UGT1A4: variants seen among roughly 807,000 people sequenced by gnomAD.
The protein encoded by UGT1A4 is UDP glucuronosyltransferase family 1 member A4, also known as UDP-glucuronosyltransferase 1A4.
Under a neutral mutation model 41.1 loss-of-function variants are expected in UGT1A4, and 32 were observed. That is an observed-to-expected ratio of 0.78 (90% CI 0.59 to 1.05). UGT1A4 has a LOEUF of 1.05. Among genes scored for constraint, UGT1A4 ranks in the 50% least tolerant of loss-of-function variants. The pLI, the probability that UGT1A4 is intolerant of heterozygous loss-of-function variation, is 0.00. For missense variants in UGT1A4, 748 were observed against 677.4 expected, an observed-to-expected ratio of 1.10 and a Z score of -1.16; for synonymous variants, 283 against 265.1, an observed-to-expected ratio of 1.07 and a Z score of -0.66.
chr2:233,759,342 C>A (rs1337999825), intron 1 of UGT1A4, among the ~76,000 whole-genome samples: 1 of 152,112 alleles, frequency 6.6e-6, no homozygotes, highest in Non-Finnish European at 1.5e-5. Flanking sequence ...TTCAGGTGAG[C>A]GCTGAAAATC....
In UGT1A4 at chr2:233,755,161, CG is replaced by C. The variant is rs146856809; in HGVS notation, c.868-11869del. The stretch of plus-strand genomic sequence containing the variant: ...CTTCTCACCGCTTCCTCCCTGTCCT[CG>C]GGGTTTTTGTCGGGGTGCCACTTGA... On this transcript the variant is annotated intron_variant, in intron 1 of 4. Transcript: ENST00000373409. 2.3e-3 allele frequency: 2,947 copies of C among 1,292,234 alleles called. 56 individuals carry two copies. The African/African-American group carries it at 0.041, about 18-fold the overall frequency. The allele number at this position is 1,292,234 out of a possible 1,614,324, so 80.0% of individuals were successfully genotyped here.
At position 233,725,191 on chromosome 2, in the gene UGT1A4, C is replaced by G. The variant is rs191532024; in HGVS notation, c.867+5504C>G. ...GGGAGACCGTGGGGAGAGGCAGAGG[C>G]AGAGGCAGAGGCAGAGGCAGAGGCA... On this transcript the variant is annotated intron_variant, in intron 1 of 4. Coordinates refer to ENST00000373409, the MANE Select transcript of UGT1A4 (RefSeq NM_007120.3). 5.0e-3 allele frequency among the ~76,000 whole-genome samples: 361 copies of G among 72,876 alleles called. 32 individuals carry two copies. The highest frequency in any genetic ancestry group is 0.021 in the African/African-American group (183 of 8,670). 47.8% of individuals were successfully genotyped at this position (72,876 alleles called of 152,430 possible).
intron 1 of UGT1A4, chr2:233,729,198 C>T (rs2077812796): frequency 6.2e-6 from 10 of 1,614,028 alleles, no homozygotes; most frequent in Non-Finnish European, 8.5e-6. Flanking sequence ...GTGTCCAGCC[C>T]TGGGCTGAGA....
At position 233,772,972 on chromosome 2, in the gene UGT1A4, C is replaced by A; in HGVS notation, c.*413C>A. The A allele has an allele frequency of 3.3e-6, 1 of 304,366 alleles. No homozygotes were observed. The highest frequency in any genetic ancestry group is 6.3e-6 in the Non-Finnish European group (1 of 158,956). 18.9% of individuals were successfully genotyped at this position (304,366 alleles called of 1,614,324 possible). On this transcript the variant is annotated 3_prime_UTR_variant, in exon 5 of 5. Transcript: ENST00000373409. ...CAGATGGTTGCAATTGATCCTTAAC[C>A]AATAATGGTCAGTCCTCATCTCTGT...
At chr2:233,724,968 T>G (rs1288341370) in intron 1 of UGT1A4, among the ~76,000 whole-genome samples, 5 of 135,284 alleles carry the variant, frequency 3.7e-5, no homozygotes, top group Non-Finnish European at 8.0e-5. Context: ...AGGCCGAGGT[T>G]GGCGGATCAC....
intron 1 of UGT1A4, among the ~76,000 whole-genome samples, chr2:233,765,317 T>G (rs984736516): frequency 1.3e-5 from 2 of 152,240 alleles, no homozygotes; most frequent in Non-Finnish European, 2.9e-5. Flanking sequence ...ATTTGTTTAT[T>G]GCAGCACTAT....
intron 1 of UGT1A4, among the ~76,000 whole-genome samples, chr2:233,760,062 T>A (rs957059658): frequency 6.6e-5 from 10 of 152,144 alleles, no homozygotes; most frequent in African/African-American, 2.4e-4. Context: ...AGAATGTGAT[T>A]TGAGTATGAA....
In UGT1A4 at chr2:233,751,447, G is replaced by T. The variant is rs116747594; in HGVS notation, c.868-15587G>T. Reference sequence around the variant, plus strand: ...GCTGAAATGAGTTAAGACTTTGGAAGATTGTTGGGAAGGCACGATTGGTTT... The same window carrying T: ...GCTGAAATGAGTTAAGACTTTGGAATATTGTTGGGAAGGCACGATTGGTTT... On this transcript the variant is annotated intron_variant, in intron 1 of 4. Transcript: ENST00000373409. Among the ~76,000 whole-genome samples the T allele has an allele frequency of 9.7e-3, 1,485 of 152,320 alleles. 22 individuals carry two copies. Among genetic ancestry groups the T allele is most frequent in the African/African-American group, 0.034 (1,416 of 41,558 alleles).
chr2:233,730,030 G>T (rs1248063013), intron 1 of UGT1A4: 4 of 1,613,378 alleles, frequency 2.5e-6, no homozygotes, highest in Non-Finnish European at 3.4e-6. Flanking sequence ...AATGTTCCAG[G>T]CAAAACACTT....
intron 1 of UGT1A4, among the ~76,000 whole-genome samples, chr2:233,732,755 G>GTTT (rs956485327): frequency 1.7e-5 from 2 of 120,222 alleles, no homozygotes; most frequent in African/African-American, 3.0e-5. Flanking sequence ...CACCAGCTTT[G>GTTT]TTTTTTTTTT....
At chr2:233,756,685 A>C (rs948825401) in intron 1 of UGT1A4, among the ~76,000 whole-genome samples, 1 of 152,128 alleles carries the variant, frequency 6.6e-6, no homozygotes, top group Non-Finnish European at 1.5e-5. Flanking sequence ...ACTGCTATAT[A>C]ATGACGATGA....
intron 1 of UGT1A4, among the ~76,000 whole-genome samples, chr2:233,735,030 C>T (rs1056371330): frequency 3.9e-5 from 6 of 152,186 alleles, no homozygotes; most frequent in African/African-American, 1.2e-4. Context: ...TCTATTAGGT[C>T]TGCTTGGTGC....
At chr2:233,741,320 T>C (rs968198595) in intron 1 of UGT1A4, among the ~76,000 whole-genome samples, 12 of 151,906 alleles carry the variant, frequency 7.9e-5, no homozygotes, top group African/African-American at 2.9e-4. Flanking sequence ...CAACTCATTC[T>C]ACTCTACCCA....
At chr2:233,747,651 G>T (rs566750548) in intron 1 of UGT1A4, 4 of 1,588,612 alleles carry the variant, frequency 2.5e-6, no homozygotes, top group African/African-American at 2.7e-5. Flanking sequence ...TACTTCCTTC[G>T]ATGTGGTTTT....
In UGT1A4 at chr2:233,773,103, T is replaced by A. The variant is rs1559421928; in HGVS notation, c.*544T>A. ...CTTGGAGTGCACTGAGAACAGCATATGATTTCTTGCTTTGGGGAAAAAGAA... is the reference window on the plus strand; with the variant it reads ...CTTGGAGTGCACTGAGAACAGCATAAGATTTCTTGCTTTGGGGAAAAAGAA... On this transcript the variant is annotated 3_prime_UTR_variant, in exon 5 of 5. Transcript: ENST00000373409. The A allele has an allele frequency of 6.4e-6, 1 of 156,320 alleles. No individual in the cohort carries two copies. Among genetic ancestry groups the A allele is most frequent in the Non-Finnish European group, 1.4e-5 (1 of 70,266 alleles). 9.7% of individuals were successfully genotyped at this position (156,320 alleles called of 1,614,324 possible).
chr2:233,768,643 G>T (rs1699688311), intron 4 of UGT1A4, among the ~76,000 whole-genome samples: 1 of 136,596 alleles, frequency 7.3e-6, no homozygotes. Context: ...CTGGAGTGCA[G>T]TGGTGCAATC....
chr2:233,728,121 T>C (rs1274585713), intron 1 of UGT1A4, among the ~76,000 whole-genome samples: 1 of 152,216 alleles, frequency 6.6e-6, no homozygotes, highest in East Asian at 1.9e-4. Flanking sequence ...ATCTTGAAAT[T>C]TGGACTAGGG....
At chr2:233,761,616 T>C (rs1314305067) in intron 1 of UGT1A4, among the ~76,000 whole-genome samples, 1 of 152,246 alleles carries the variant, frequency 6.6e-6, no homozygotes, top group East Asian at 1.9e-4. Flanking sequence ...AATATTCTGA[T>C]AAGAAGCTAA....
At chr2:233,754,004 G>T (rs1256062754) in intron 1 of UGT1A4, among the ~76,000 whole-genome samples, 1 of 152,190 alleles carries the variant, frequency 6.6e-6, no homozygotes, top group African/African-American at 2.4e-5. Context: ...TGGGTAATTT[G>T]TTACAGCCAT....
Sources: allele counts gnomAD v4.1 joint callset (sites outside exome capture counted in the v4.1 genomes callset), GRCh38; gene constraint gnomAD v4.1.1; transcripts MANE v1.5; gene names NCBI Gene and HGNC (gene_info 2026-07-23, HGNC 2026-07-21).